The following KDM4C variants were observed in gnomAD, a reference collection of about 807,000 sequenced individuals.
KDM4C encodes lysine demethylase 4C, also known as lysine-specific demethylase 4C.
KDM4C carries 81 observed loss-of-function variants against 129.3 expected under a neutral mutation model. The ratio of observed to expected loss-of-function variants is 0.63; its 90% CI spans 0.52 to 0.75. The LOEUF is 0.75. Ranked by LOEUF, KDM4C falls within the 30% of genes least tolerant of loss-of-function variation. The pLI is 0.00. For synonymous variants in KDM4C, 573 were observed against 456.1 expected (o/e 1.26, Z -3.26); for missense variants, 1,457 against 1,304.0 (o/e 1.12, Z -1.81).
intron 9 of KDM4C, among the ~76,000 whole-genome samples, chr9:6,983,837 T>C (rs1293005379): frequency 1.3e-5 from 2 of 152,240 alleles, no homozygotes; most frequent in African/African-American, 2.4e-5. Context: ...ATTTTATTTC[T>C]GTCTCATTTC....
chr9:6,802,473 T>C (rs1189482133), intron 2 of KDM4C, among the ~76,000 whole-genome samples: 1 of 152,216 alleles, frequency 6.6e-6, no homozygotes, highest in Non-Finnish European at 1.5e-5. Flanking sequence ...ACAAAAATAT[T>C]AATAGCATTA....
intron 8 of KDM4C, among the ~76,000 whole-genome samples, chr9:6,900,508 G>A (rs1386268685): frequency 6.6e-6 from 1 of 152,182 alleles, no homozygotes; most frequent in East Asian, 1.9e-4. Context: ...GGTGGCATAC[G>A]CCTGTCATCC....
intron 1 of KDM4C, among the ~76,000 whole-genome samples, chr9:6,737,588 C>T (rs1024199326): frequency 1.0e-4 from 15 of 144,854 alleles, no homozygotes; most frequent in Admixed American, 2.9e-4. Flanking sequence ...CGCTTGAACC[C>T]GAGAGGCAGA....
intron 4 of KDM4C, among the ~76,000 whole-genome samples, chr9:6,828,355 G>A (rs943563390): frequency 1.3e-5 from 2 of 151,974 alleles, no homozygotes; most frequent in Non-Finnish European, 1.5e-5. Flanking sequence ...CACCATGTCA[G>A]ACAGGCTGGT....
intron 3 of KDM4C, among the ~76,000 whole-genome samples, 175 bp from the exon 4 acceptor site, chr9:6,814,456 G>A (rs1409187504): frequency 1.3e-5 from 2 of 152,162 alleles, no homozygotes; most frequent in Non-Finnish European, 2.9e-5. Flanking sequence ...GCAATCTTAA[G>A]ACTATTCAGA....
intron 8 of KDM4C, among the ~76,000 whole-genome samples, chr9:6,914,440 T>G (rs1819938722): frequency 6.6e-6 from 1 of 152,220 alleles, no homozygotes; most frequent in Admixed American, 6.5e-5. Context: ...TCCTGGCTAC[T>G]TGTAATACCG....
chr9:6,992,762 T>G (rs1368185427), intron 12 of KDM4C, among the ~76,000 whole-genome samples: 2 of 152,242 alleles, frequency 1.3e-5, no homozygotes, highest in African/African-American at 4.8e-5. Flanking sequence ...CTGTCCTAAC[T>G]ATTCTGCTCC....
chr9:7,076,505 A>G lies in KDM4C; in HGVS notation c.2425-27180A>G, dbSNP rs1236725067. ...AACAATGAAGGCTCACTGTGAAAAC[A>G]TCAATTCATTAGGAAAGTTACATCC... On this transcript the variant is annotated intron_variant, in intron 17 of 21. Coordinates refer to ENST00000381309, the MANE Select transcript of KDM4C (RefSeq NM_015061.6). The G allele has an allele frequency of 2.6e-6, 4 of 1,548,732 alleles. No homozygotes were observed. In the East Asian group the frequency reaches 9.8e-5, roughly 38 times the overall value.
At chr9:7,022,637 C>CTTTTTTTTTTTTTTT in intron 15 of KDM4C, among the ~76,000 whole-genome samples, 1 of 133,960 alleles carries the variant, frequency 7.5e-6, no homozygotes, top group African/African-American at 2.7e-5. Flanking sequence ...CCCTTTATTT[C>CTTTTTTTTTTTTTTT]TTTTTTTTTT....
intron 17 of KDM4C, among the ~76,000 whole-genome samples, chr9:7,080,770 C>T (rs1041153818): frequency 6.6e-6 from 1 of 152,138 alleles, no homozygotes; most frequent in South Asian, 2.1e-4. Context: ...ATCTATTTCA[C>T]CTTAAAGTTA....
intron 8 of KDM4C, among the ~76,000 whole-genome samples, chr9:6,929,754 G>A (rs918864132): frequency 2.0e-5 from 3 of 152,080 alleles, no homozygotes; most frequent in African/African-American, 7.2e-5. Context: ...TGTGCAAGCA[G>A]AAAGGATACT....
intron 8 of KDM4C, among the ~76,000 whole-genome samples, chr9:6,967,383 C>T (rs1831175357): frequency 1.3e-5 from 2 of 150,378 alleles, no homozygotes; most frequent in Non-Finnish European, 2.9e-5. Context: ...AAGATTGTGC[C>T]GCTGCACTCC....
At chr9:7,161,123 G>A (rs937409717) in intron 19 of KDM4C, among the ~76,000 whole-genome samples, 1 of 152,218 alleles carries the variant, frequency 6.6e-6, no homozygotes, top group African/African-American at 2.4e-5. Context: ...CCATGGCCAC[G>A]GGACCCACCG....
At chr9:6,732,396 AAAAAAGAAT>A (rs1817377365) in intron 1 of KDM4C, among the ~76,000 whole-genome samples, 1 of 111,126 alleles carries the variant, frequency 9.0e-6, no homozygotes, top group African/African-American at 4.2e-5. Context: ...AAAAAAAAAA[AAAAAAGAAT>A]GAGGCCGGAA....
In KDM4C at chr9:6,890,458, A is replaced by G. The variant is rs549427850; in HGVS notation, c.783+2395A>G. ...TTTTCCTTCTTTCATTGTATTTGCC[A>G]TATTCATACATATGTATGAAAACAT... On this transcript the variant is annotated intron_variant, in intron 7 of 21. Coordinates refer to ENST00000381309, the MANE Select transcript of KDM4C (RefSeq NM_015061.6). Among the ~76,000 whole-genome samples the G allele has an allele frequency of 1.4e-3, 219 of 152,296 alleles. 2 individuals carry two copies. Among genetic ancestry groups the G allele is most frequent in the African/African-American group, 4.9e-3 (203 of 41,560 alleles).
Position 7,128,120 on chromosome 9 carries a change from C to T in KDM4C, c.2665C>T (p.His889Tyr). 6.2e-7 allele frequency: 1 copy of T among 1,612,154 alleles called. No homozygotes were observed. Among genetic ancestry groups the T allele is most frequent in the Non-Finnish European group, 8.5e-7 (1 of 1,179,258 alleles). ...ISVGQTVITK[H>Y]RNTRYYSCRV... ...CGTGGGTCAAACGGTCATCACGAAG[C>T]ATCGGAACACCCGGTATTACAGTTG... Residue 889 changes from histidine to tyrosine, a missense_variant, in exon 19 of 22, where the codon CAT (histidine) becomes TAT (tyrosine). By Grantham distance (83) the His-to-Tyr change is moderately conservative. Transcript: ENST00000381309.
chr9:7,013,743 T>A (rs773285965), intron 13 of KDM4C, 45 bp from the exon 14 acceptor site: 1 of 1,572,940 alleles, frequency 6.4e-7, no homozygotes, highest in South Asian at 1.1e-5. Flanking sequence ...AATGATGAGC[T>A]CTTTTCCATG....
At chr9:6,877,359 C>G (rs1035179221) in intron 5 of KDM4C, among the ~76,000 whole-genome samples, 9 of 152,152 alleles carry the variant, frequency 5.9e-5, no homozygotes, top group Admixed American at 3.3e-4. Flanking sequence ...CGCCACCACA[C>G]CCGGATAATT....
chr9:7,122,058 G>C (rs1839541411), intron 18 of KDM4C, among the ~76,000 whole-genome samples: 1 of 152,026 alleles, frequency 6.6e-6, no homozygotes, highest in Non-Finnish European at 1.5e-5. Flanking sequence ...TTGCTATGAA[G>C]AACTACCTGA....
Sources: gnomAD v4.1 joint callset for allele counts (sites outside exome capture counted in the v4.1 genomes callset) on GRCh38, gnomAD v4.1.1 for gene constraint, MANE v1.5 for transcripts, NCBI Gene and HGNC (gene_info 2026-07-23, HGNC 2026-07-21) for gene names.